The following CDH13 variants were observed in gnomAD, a reference collection of about 807,000 sequenced individuals.
CDH13 encodes the protein cadherin 13, also known as cadherin-13.
A neutral mutation model predicts 63.8 loss-of-function variants in CDH13; 24 were observed. The observed-to-expected ratio is 0.38, with a 90% CI of 0.27 to 0.53. CDH13 has a LOEUF of 0.53. CDH13 is among the 20% of genes least tolerant of loss of function. The pLI is 0.85. For synonymous variants in CDH13, 503 were observed against 355.3 expected (o/e 1.42, Z -4.67); for missense variants, 1,049 against 903.1 (o/e 1.16, Z -2.07).
At chr16:83,049,303 C>G (rs1344731777) in intron 3 of CDH13, among the ~76,000 whole-genome samples, 1 of 145,298 alleles carries the variant, frequency 6.9e-6, no homozygotes, top group Non-Finnish European at 1.5e-5. Flanking sequence ...TCATACAATA[C>G]TTGGGCATTT....
intron 1 of CDH13, among the ~76,000 whole-genome samples, chr16:82,707,070 G>A (rs2031552642): frequency 6.6e-6 from 1 of 152,156 alleles, no homozygotes; most frequent in South Asian, 2.1e-4. Flanking sequence ...ACCATCCCCT[G>A]TTTGGCGGGA....
chr16:83,764,330 C>T (rs1420648920), intron 11 of CDH13, among the ~76,000 whole-genome samples: 1 of 152,194 alleles, frequency 6.6e-6, no homozygotes, highest in Non-Finnish European at 1.5e-5. Flanking sequence ...ATTCATGGAG[C>T]TTGTCTCTGG....
At chr16:82,907,038 C>T (rs756716866) in intron 2 of CDH13, among the ~76,000 whole-genome samples, 22 of 152,170 alleles carry the variant, frequency 1.4e-4, no homozygotes, top group Non-Finnish European at 2.5e-4. Context: ...CATCATTTAA[C>T]CCAGAGCAAC....
At chr16:83,147,649 C>CT (rs1232791791) in intron 4 of CDH13, among the ~76,000 whole-genome samples, 2 of 152,126 alleles carry the variant, frequency 1.3e-5, no homozygotes, top group African/African-American at 4.8e-5. Context: ...GTGGGCTTTT[C>CT]TTGACATCCT....
chr16:82,677,718 A>G (rs955753645), intron 1 of CDH13, among the ~76,000 whole-genome samples: 4 of 152,294 alleles, frequency 2.6e-5, no homozygotes, highest in African/African-American at 9.6e-5. Context: ...GATATTTTTT[A>G]AAGGTTCCTC....
At chr16:82,853,518 A>G (rs531436737) in intron 1 of CDH13, among the ~76,000 whole-genome samples, 1 of 152,262 alleles carries the variant, frequency 6.6e-6, no homozygotes, top group South Asian at 2.1e-4. Context: ...AGATACCATT[A>G]CTCCTGCTTT....
chr16:83,779,406 CA>C (rs144757645), intron 11 of CDH13, among the ~76,000 whole-genome samples: 491 of 81,754 alleles, frequency 6.0e-3, no homozygotes, highest in Non-Finnish European at 7.2e-3. Context: ...GACTCCATCT[CA>C]AAAAAAAAAA....
chr16:83,009,429 G>T (rs1434624914), intron 2 of CDH13, among the ~76,000 whole-genome samples: 1 of 152,176 alleles, frequency 6.6e-6, no homozygotes, highest in Non-Finnish European at 1.5e-5. Flanking sequence ...TATTGTAGGT[G>T]TCTTTCTATG....
At chr16:83,189,800 T>C (rs1454821956) in intron 4 of CDH13, among the ~76,000 whole-genome samples, 1 of 152,162 alleles carries the variant, frequency 6.6e-6, no homozygotes, top group East Asian at 1.9e-4. Flanking sequence ...CCTTGAATTG[T>C]AGTTCCCATA....
At chr16:83,276,298 A>G (rs978716744) in intron 5 of CDH13, among the ~76,000 whole-genome samples, 6 of 151,990 alleles carry the variant, frequency 3.9e-5, no homozygotes, top group Non-Finnish European at 7.4e-5. Context: ...CAGCCCTATC[A>G]TTCTACAAGA....
At chr16:83,387,020 G>A (rs907637459) in intron 6 of CDH13, among the ~76,000 whole-genome samples, 6 of 152,118 alleles carry the variant, frequency 3.9e-5, no homozygotes, top group African/African-American at 1.4e-4. Context: ...TGTGTTATAT[G>A]CCCATCCTTA....
At chr16:83,244,185 T>G (rs191638702) in intron 5 of CDH13, among the ~76,000 whole-genome samples, 19 of 152,190 alleles carry the variant, frequency 1.2e-4, no homozygotes, top group African/African-American at 4.3e-4. Context: ...GCTCTGTTCT[T>G]TATTGATAGT....
intron 7 of CDH13, among the ~76,000 whole-genome samples, chr16:83,505,022 A>T (rs571507808): frequency 2.0e-5 from 3 of 152,266 alleles, no homozygotes; most frequent in African/African-American, 7.2e-5. Context: ...GTCTGAGAGC[A>T]TTGATGCCTC....
At chr16:82,779,459 C>G (rs781239169) in intron 1 of CDH13, among the ~76,000 whole-genome samples, 1 of 152,180 alleles carries the variant, frequency 6.6e-6, no homozygotes, top group Non-Finnish European at 1.5e-5. Context: ...AGAAAACATT[C>G]TTGTTCCCTT....
At chr16:83,475,198 T>G (rs2073570067) in intron 6 of CDH13, among the ~76,000 whole-genome samples, 1 of 152,224 alleles carries the variant, frequency 6.6e-6, no homozygotes, top group South Asian at 2.1e-4. Context: ...AGGGGTTCTG[T>G]GCAACTGTGC....
chr16:82,968,683 T>C (rs543699948), intron 2 of CDH13, among the ~76,000 whole-genome samples: 1 of 152,326 alleles, frequency 6.6e-6, no homozygotes, highest in Admixed American at 6.5e-5. Context: ...GGATGAATTA[T>C]TCTCTTCTTG....
intron 13 of CDH13, among the ~76,000 whole-genome samples, chr16:83,790,791 T>C (rs553432557): frequency 1.3e-5 from 2 of 152,334 alleles, no homozygotes; most frequent in East Asian, 3.9e-4. Flanking sequence ...CAAGCCGGCA[T>C]TGCCATTAAG....
chr16:83,204,184 C>T (rs555724715), intron 4 of CDH13, among the ~76,000 whole-genome samples: 1 of 152,298 alleles, frequency 6.6e-6, no homozygotes, highest in Admixed American at 6.5e-5. Flanking sequence ...GGGTTGAGTG[C>T]TCCTACCCAA....
At chr16:83,429,009 G>A in intron 6 of CDH13, among the ~76,000 whole-genome samples, 1 of 152,194 alleles carries the variant, frequency 6.6e-6, no homozygotes, top group Non-Finnish European at 1.5e-5. Context: ...CGTTTCCTAG[G>A]GGGAAGTATC....
Sources: gnomAD v4.1 joint callset for allele counts (sites outside exome capture counted in the v4.1 genomes callset) on GRCh38, gnomAD v4.1.1 for gene constraint, MANE v1.5 for transcripts, NCBI Gene and HGNC (gene_info 2026-07-23, HGNC 2026-07-21) for gene names.